PPP2R3B: variants seen among roughly 807,000 people sequenced by gnomAD.
PPP2R3B encodes serine/threonine-protein phosphatase 2A regulatory subunit B'' subunit beta.
PPP2R3B carries 68 observed loss-of-function variants against 72.9 expected under a neutral mutation model. The observed-to-expected ratio is 0.93, with a 90% confidence interval of 0.77 to 1.14. The LOEUF (loss-of-function observed/expected upper bound fraction) is 1.14, where lower values mean the gene tolerates loss of function less well. Among genes scored for constraint, PPP2R3B ranks in the 50% most tolerant of loss-of-function variants. The pLI is 0.00. For missense variants in PPP2R3B, 1,018 were observed against 842.0 expected, an observed-to-expected ratio of 1.21 and a Z score of -2.59; for synonymous variants, 466 against 375.8, an observed-to-expected ratio of 1.24 and a Z score of -2.78.
rs889991213 is a variant in PPP2R3B, at chrX:347,390, C to T, written c.615-54G>A. 5.8e-6 allele frequency: 9 copies of T among 1,540,978 alleles called. 1 individual carries two copies. Among genetic ancestry groups the T allele is most frequent in the Admixed American group, 5.0e-5 (3 of 59,896 alleles). On this transcript the variant is annotated intron_variant, in intron 3 of 12. Transcript: ENST00000390665. ...CCTCACAGGGGGGTGGCTTTCGACC[C>T]CGCAGACGCAGGGTGGAACACGTGT... is the stretch of plus-strand genomic sequence containing the variant.
intron 7 of PPP2R3B, 27 bp downstream of exon 7, chrX:345,489 C>T (rs779888417): frequency 1.5e-5 from 24 of 1,611,366 alleles, no homozygotes; most frequent in Non-Finnish European, 2.5e-6. Flanking sequence ...GTCCGCGCGG[C>T]CCGCCCGCCC....
intron 1 of PPP2R3B, among the ~76,000 whole-genome samples, chrX:381,872 A>G (rs2124420207): frequency 6.6e-6 from 1 of 152,188 alleles, no homozygotes; most frequent in Non-Finnish European, 1.5e-5. Context: ...TGCTGGGATC[A>G]CAGGCATGAG....
intron 2 of PPP2R3B, chrX:359,795 G>A: frequency 2.0e-6 from 1 of 498,364 alleles, no homozygotes; most frequent in Non-Finnish European, 3.9e-6. Context: ...CATATTAAAA[G>A]CTAAAATAAC....
chrX:373,608 T>C, intron 1 of PPP2R3B: 1 of 297,290 alleles, frequency 3.4e-6, no homozygotes. Context: ...TGAGGCCAGC[T>C]CCTGGCGCAG....
chrX:341,868 C>T lies in PPP2R3B; in HGVS notation c.1085+15G>A, dbSNP rs2071086303. The T allele has an allele frequency of 3.7e-6, 6 of 1,612,474 alleles. No individual in the cohort carries two copies. Among genetic ancestry groups the T allele is most frequent in the Non-Finnish European group, 5.1e-6 (6 of 1,179,710 alleles). ...AGGGGCAATGGCTGCCGTCAGGCGC[C>T]TGAGCCGTACGTACCGTGTGACTGC... On this transcript the variant is annotated intron_variant, in intron 8 of 12. Transcript: ENST00000390665.
chrX:346,104 AAGGGAAGGGAGTGGAGGTAGGAGGGGT>A, intron 6 of PPP2R3B, 43 bp downstream of exon 6: 1 of 866,718 alleles, frequency 1.2e-6, no homozygotes, highest in Non-Finnish European at 1.6e-6. Context: ...GGGAGGAGGG[AAGGGAAGGGAGTGGAGGTAGGAGGGGT>A]AGGGACAAGG....
At position 362,941 on chromosome X, in the gene PPP2R3B, C is replaced by T. The variant is rs1348956091; in HGVS notation, c.325-1351G>A. 2.6e-5 allele frequency among the ~76,000 whole-genome samples: 4 copies of T among 152,172 alleles called. No homozygotes were observed. In the East Asian group the frequency reaches 7.7e-4, roughly 29 times the overall value. On this transcript the variant is annotated intron_variant, in intron 1 of 12. Transcript: ENST00000390665. ...CCCCACCCTGCTACTCCCACAGGACCCTCACCCCAGGTCACAAGGGTCCCA... is the reference window on the plus strand; with the variant it reads ...CCCCACCCTGCTACTCCCACAGGACTCTCACCCCAGGTCACAAGGGTCCCA...
At position 376,775 on chromosome X, in the gene PPP2R3B, C is replaced by T. The variant is rs1390241839; in HGVS notation, c.324+9593G>A. ...TACACTACTGTGTACAGGGACGGGCCGTCCACAGTGGGGCCGCCATGGGGC... is the reference window on the plus strand; with the variant it reads ...TACACTACTGTGTACAGGGACGGGCTGTCCACAGTGGGGCCGCCATGGGGC... On this transcript the variant is annotated intron_variant, in intron 1 of 12. Transcript: ENST00000390665. 8.8e-5 allele frequency among the ~76,000 whole-genome samples: 10 copies of T among 113,144 alleles called. No homozygotes were observed. In the South Asian group the frequency reaches 2.3e-3, roughly 26 times the overall value. 74.2% of individuals were successfully genotyped at this position (113,144 alleles called of 152,430 possible). A position where few individuals can be genotyped will look rare whatever the true frequency, so the allele number is the denominator to read the frequency against.
At chrX:338,421 G>C (rs2738379) in intron 12 of PPP2R3B, 183 bp downstream of exon 12, 4 of 646,654 alleles carry the variant, frequency 6.2e-6, no homozygotes, top group Admixed American at 4.8e-5. Flanking sequence ...CCCTGTCATC[G>C]GCTGTCCTTA....
Position 386,456 on chromosome X carries a change from G to A in PPP2R3B, c.236C>T (p.Pro79Leu), listed in dbSNP as rs2072252475. The change falls in exon 1 of 13, where the codon CCG (proline) becomes CTG (leucine). Residue 79 changes from proline (P) to leucine (L), a missense_variant. Transcript: ENST00000390665. ...GGCGCCCAGGGGCAGCGCAGGGCCC[G>A]GCCCGGGGGTTCCCGGGGGTTCGAG... Reference protein sequence around the residue: ...SGLEPPGTPGPGPALPLGAAS... With the variant: ...SGLEPPGTPGLGPALPLGAAS... 2.3e-6 allele frequency: 3 copies of A among 1,307,364 alleles called. No homozygotes were observed. In the African/African-American group the frequency reaches 4.6e-5, roughly 20 times the overall value. The allele number at this position is 1,307,364 out of a possible 1,614,324, so 81.0% of individuals were successfully genotyped here.
intron 1 of PPP2R3B, among the ~76,000 whole-genome samples, chrX:371,710 C>T (rs2071869580): frequency 6.6e-6 from 1 of 152,116 alleles, no homozygotes; most frequent in Non-Finnish European, 1.5e-5. Context: ...CGGGTGCTCC[C>T]TGACAACCCT....
chrX:347,789 C>T (rs1477920303), intron 2 of PPP2R3B, 96 bp from the exon 3 acceptor site: 2 of 891,640 alleles, frequency 2.2e-6, no homozygotes, highest in East Asian at 2.7e-5. Context: ...CCCAGAGACC[C>T]TCTGCTGCAG....
rs760288403 is a variant in PPP2R3B at position 334,353 on chromosome X, TCTCGCGGGCGGCGTC to T, written c.1727_*13del. The T allele has an allele frequency of 4.4e-5, 65 of 1,465,734 alleles. No homozygotes were observed. The highest frequency in any genetic ancestry group is 1.1e-4 in the South Asian group (8 of 75,206). 90.8% of individuals were successfully genotyped at this position (1,465,734 alleles called of 1,614,324 possible). A position where few individuals can be genotyped will look rare whatever the true frequency, so the allele number is the denominator to read the frequency against. ...GTGGGGAGCGGCCCCGCGGCGGCGT[TCTCGCGGGCGGCGTC>T]ACAGCGGCTCCAGGTCCTCGTCCCC... is the stretch of plus-strand genomic sequence containing the variant. On this transcript the variant is annotated stop_retained_variant and 3_prime_UTR_variant, in exon 13 of 13. Coordinates refer to ENST00000390665, the MANE Select transcript of PPP2R3B (RefSeq NM_013239.5).
chrX:336,778 A>C (rs1326778056), intron 12 of PPP2R3B: 1 of 152,254 alleles, frequency 6.6e-6, no homozygotes, highest in South Asian at 2.1e-4. Context: ...ACAGGAAAAC[A>C]TCAGGAAACA....
At chrX:355,627 C>T (rs1434007002) in intron 2 of PPP2R3B, among the ~76,000 whole-genome samples, 1 of 152,194 alleles carries the variant, frequency 6.6e-6, no homozygotes, top group African/African-American at 2.4e-5. Flanking sequence ...ACATGGAACA[C>T]CGTGCTGTAT....
At chrX:338,994 G>A (rs1446002308) in intron 10 of PPP2R3B, 98 bp from the exon 11 acceptor site, 27 of 948,720 alleles carry the variant, frequency 2.8e-5, no homozygotes, top group South Asian at 2.1e-4. Context: ...GCTTAAGGAC[G>A]CGGCACGAAG....
chrX:341,532 C>G (rs2124595264), intron 8 of PPP2R3B, 136 bp from the exon 9 acceptor site: 1 of 890,062 alleles, frequency 1.1e-6, no homozygotes, highest in African/African-American at 1.6e-5. Context: ...CCTGCCCCTC[C>G]TCCTGCCTCT....
chrX:344,981 A>T, intron 7 of PPP2R3B: 1 of 356,436 alleles, frequency 2.8e-6, no homozygotes, highest in Non-Finnish European at 5.5e-6. Context: ...CACAGGCCAC[A>T]GGCCGCTTTG....
intron 7 of PPP2R3B, among the ~76,000 whole-genome samples, chrX:343,731 T>G (rs373897960): frequency 6.0e-3 from 193 of 32,430 alleles, no homozygotes; most frequent in Admixed American, 0.011. Flanking sequence ...GAGGCGGGAG[T>G]GAGACCTCAC....
Sources: gnomAD v4.1 joint callset for allele counts (sites outside exome capture counted in the v4.1 genomes callset) on GRCh38, gnomAD v4.1.1 for gene constraint, MANE v1.5 for transcripts, NCBI Gene and HGNC (gene_info 2026-07-23, HGNC 2026-07-21) for gene names.